PER2: variants seen among roughly 807,000 people sequenced by gnomAD.
PER2 encodes period circadian regulator 2.
Under a neutral mutation model 121.0 loss-of-function variants are expected in PER2, and 66 were observed. The ratio of observed to expected loss-of-function variants is 0.55; its 90% CI spans 0.45 to 0.67. The LOEUF (loss-of-function observed/expected upper bound fraction) is 0.67, where lower values mean the gene tolerates loss of function less well. Among genes scored for constraint, PER2 ranks in the 30% least tolerant of loss-of-function variants. The probability of loss-of-function intolerance (pLI) is 0.00; values close to 1 mark genes in which losing one functional copy is unlikely to be tolerated. For missense variants in PER2, 1,521 were observed against 1,635.0 expected, an observed-to-expected ratio of 0.93 and a Z score of 1.20; for synonymous variants, 684 against 659.9, an observed-to-expected ratio of 1.04 and a Z score of -0.56.
At chr2:238,275,069 AACTGTAC>A (rs899682058) in intron 4 of PER2, among the ~76,000 whole-genome samples, 9 of 152,234 alleles carry the variant, frequency 5.9e-5, no homozygotes, top group Non-Finnish European at 1.2e-4. Context: ...ACTTTGCCCT[AACTGTAC>A]ACTGTGCTTT....
rs190918868 is a variant in PER2 at position 238,266,766 on chromosome 2, G to A, written c.968-1176C>T. 1.9e-3 allele frequency among the ~76,000 whole-genome samples: 282 copies of A among 152,304 alleles called. 1 individual carries two copies. The highest frequency in any genetic ancestry group is 5.7e-3 in the African/African-American group (236 of 41,576). On this transcript the variant is annotated intron_variant, in intron 8 of 22. Coordinates refer to ENST00000254657, the MANE Select transcript of PER2 (RefSeq NM_022817.3). ...AAGAGGCTGTCATTTGGCCGGGCGC[G>A]GTGGCTCGCGCCTGTAATCCCAGCA...
chr2:238,287,239 C>T (rs1696815644), intron 1 of PER2, among the ~76,000 whole-genome samples: 1 of 152,226 alleles, frequency 6.6e-6, no homozygotes, highest in Non-Finnish European at 1.5e-5. Flanking sequence ...GGTGCCATCC[C>T]CGCGCTGGCA....
rs1411284381 is a variant in PER2 at position 238,258,517 on chromosome 2, G to C, written c.1755C>G (p.Ser585Arg). Reference protein sequence around the residue: ...NQPTCSYQQISCLDSVIRYLE... With the variant: ...NQPTCSYQQIRCLDSVIRYLE... ...CATACCTGATGACGCTGTCCAAGCA[G>C]CTGATCTGCTGGTAGGAGCAGGTGG... The change falls in exon 15 of 23, where the codon AGC (serine) becomes AGG (arginine). Residue 585 changes from serine (S) to arginine (R), a missense_variant. Ser to Arg is a moderately radical substitution (Grantham distance 110). Coordinates refer to ENST00000254657, the MANE Select transcript of PER2 (RefSeq NM_022817.3). 3 of 1,614,228 alleles carry C rather than the reference G, an allele frequency of 1.9e-6. No homozygotes were observed.
Position 238,258,561 on chromosome 2 carries a change from A to T in PER2, c.1711T>A (p.Leu571Met). 6.2e-7 allele frequency: 1 copy of T among 1,613,864 alleles called. No homozygotes were observed. Among genetic ancestry groups the T allele is most frequent in the Non-Finnish European group, 8.5e-7 (1 of 1,179,900 alleles). The change falls in exon 15 of 23, where the codon TTG becomes ATG. Residue 571 changes from leucine to methionine, a missense_variant. Physicochemically the swap from Leu to Met is conservative, Grantham distance 15. Coordinates refer to ENST00000254657, the MANE Select transcript of PER2 (RefSeq NM_022817.3). Reference sequence around the variant, plus strand: ...CAGGTGGGCTGGTTCTTGCAGGCCAACTCCTCGGGGAAGCTGACCCCCAGG... The same window carrying T: ...CAGGTGGGCTGGTTCTTGCAGGCCATCTCCTCGGGGAAGCTGACCCCCAGG... ...DSLGVSFPEE[L>M]ACKNQPTCSY...
intron 1 of PER2, among the ~76,000 whole-genome samples, chr2:238,279,315 C>T (rs1282977420): frequency 6.6e-6 from 1 of 152,154 alleles, no homozygotes; most frequent in Non-Finnish European, 1.5e-5. Flanking sequence ...ATGCTAAGCA[C>T]CCAACACACA....
chr2:238,293,617 C>T (rs566051422), upstream of PER2, among the ~76,000 whole-genome samples: 95 of 151,934 alleles, frequency 6.3e-4, no homozygotes, highest in African/African-American at 2.0e-3. Context: ...TGTCTATAAT[C>T]CCAGCTACTC....
intron 1 of PER2, among the ~76,000 whole-genome samples, chr2:238,286,286 C>G (rs556429235): frequency 6.6e-6 from 1 of 152,086 alleles, no homozygotes; most frequent in Non-Finnish European, 1.5e-5. Flanking sequence ...AGGAAGAGCA[C>G]GAGGAACCCT....
chr2:238,249,778 T>C (rs1405388072), intron 21 of PER2, among the ~76,000 whole-genome samples: 1 of 152,214 alleles, frequency 6.6e-6, no homozygotes, highest in African/African-American at 2.4e-5. Context: ...CGCGATCTGA[T>C]GGGTTTATAA....
At position 238,257,196 on chromosome 2, in the gene PER2, A is replaced by ACCCAT. The variant is rs1209123681; in HGVS notation, c.1901-115_1901-111dup. On this transcript the variant is annotated intron_variant, in intron 16 of 22. Transcript: ENST00000254657. ...CAGCTTCCACACCAGGGTGCACACA[A>ACCCAT]CCCATCCCATCCCATCCCACAGATG... is the stretch of plus-strand genomic sequence containing the variant. The ACCCAT allele has an allele frequency of 7.7e-6, 7 of 912,592 alleles. No homozygotes were observed. The South Asian group carries it at 7.7e-5, about 10-fold the overall frequency. The allele number at this position is 912,592 out of a possible 1,614,324, so 56.5% of individuals were successfully genotyped here.
At chr2:238,287,014 A>G (rs1354488139) in intron 1 of PER2, among the ~76,000 whole-genome samples, 1 of 152,196 alleles carries the variant, frequency 6.6e-6, no homozygotes, top group East Asian at 1.9e-4. Context: ...AAAACCTGGG[A>G]ATTAAAGTAG....
intron 18 of PER2, chr2:238,255,448 CCA>C: frequency 1.6e-6 from 1 of 636,234 alleles, no homozygotes; most frequent in East Asian, 2.7e-5. Flanking sequence ...GGACTATTCC[CCA>C]GGGAATGCAA....
rs778415843 is a variant in PER2, at chr2:238,271,326, A to G, written c.758T>C (p.Met253Thr). 2 of 1,613,948 alleles carry G rather than the reference A, an allele frequency of 1.2e-6. No individual in the cohort carries two copies. The highest frequency in any genetic ancestry group is 1.7e-6 in the Non-Finnish European group (2 of 1,179,890). ...TSPYKLPLWS[M>T]CSGADSFTQE... ...GATAACCTCACCTGCTCCACTGCAC[A>G]TGCTCCACAAGGGAAGCTTGTACGG... The change falls in exon 6 of 23, where the codon ATG (methionine) becomes ACG (threonine). Residue 253 changes from methionine to threonine, a missense_variant. Physicochemically the swap from Met to Thr is moderately conservative, Grantham distance 81. Transcript: ENST00000254657.
At chr2:238,285,723 C>T (rs910652457) in intron 1 of PER2, among the ~76,000 whole-genome samples, 1 of 122,596 alleles carries the variant, frequency 8.2e-6, no homozygotes, top group Non-Finnish European at 1.9e-5. Flanking sequence ...TGGTGGCCCT[C>T]CCAGCCACCA....
intron 8 of PER2, among the ~76,000 whole-genome samples, chr2:238,265,950 C>A (rs1048585266): frequency 6.6e-6 from 1 of 151,090 alleles, no homozygotes; most frequent in Non-Finnish European, 1.5e-5. Context: ...GTTGCCCAGG[C>A]TGCAGTGCAG....
chr2:238,252,274 T>C lies in PER2; in HGVS notation c.3112-513A>G, dbSNP rs1695626620. 6.6e-6 allele frequency among the ~76,000 whole-genome samples: 1 copy of C among 152,214 alleles called. No homozygotes were observed. Among genetic ancestry groups the C allele is most frequent in the African/African-American group, 2.4e-5 (1 of 41,460 alleles). On this transcript the variant is annotated intron_variant, in intron 19 of 22. Coordinates refer to ENST00000254657, the MANE Select transcript of PER2 (RefSeq NM_022817.3). This position sits in a 1 kb window ranked among gnomAD's most constrained non-coding sequence, Gnocchi z 4.2. ...GGAGAAGCTCCACAGATCTACATGC[T>C]TGCACTTCCTCACCCGGGAGCCCTA...
At chr2:238,293,600 T>C (rs1258191199), upstream of PER2, among the ~76,000 whole-genome samples, 1 of 151,760 alleles carries the variant, frequency 6.6e-6, no homozygotes, top group East Asian at 1.9e-4. Context: ...CCGGGCGTGG[T>C]GGCACATGTC....
Position 238,268,986 on chromosome 2 carries a change from A to C in PER2, c.773-12T>G, listed in dbSNP as rs1420678023. 6 of 1,604,184 alleles carry C rather than the reference A, an allele frequency of 3.7e-6. No homozygotes were observed. Among genetic ancestry groups the C allele is most frequent in the Non-Finnish European group, 5.1e-6 (6 of 1,170,958 alleles). ...TTGAGTAAAAGAATCTAAAAGAGAG[A>C]GCCCAAAGTCATTCATCCAAACCAA... On this transcript the variant is annotated splice_polypyrimidine_tract_variant and intron_variant, in intron 6 of 22. Transcript: ENST00000254657. This position sits in a 1 kb window ranked among gnomAD's most constrained non-coding sequence, Gnocchi z 4.0.
chr2:238,287,132 C>T (rs1225063401), intron 1 of PER2, among the ~76,000 whole-genome samples: 2 of 152,222 alleles, frequency 1.3e-5, no homozygotes, highest in East Asian at 1.9e-4. Flanking sequence ...CCCCTTCCCA[C>T]CTGGCACTCC....
upstream of PER2, chr2:238,288,989 G>A (rs1696883915): frequency 6.6e-6 from 1 of 152,190 alleles, no homozygotes; most frequent in African/African-American, 2.4e-5. Flanking sequence ...ATGGAGACGC[G>A]GCGCGTTCGT....
Sources: gnomAD v4.1 joint callset for allele counts (sites outside exome capture counted in the v4.1 genomes callset) on GRCh38, gnomAD v4.1.1 for gene constraint, Gnocchi (gnomAD v3.1) non-coding constraint, MANE v1.5 for transcripts, NCBI Gene and HGNC (gene_info 2026-07-23, HGNC 2026-07-21) for gene names.